GFRA1: variants seen among roughly 807,000 people sequenced by gnomAD.
The protein encoded by GFRA1 is GDNF family receptor alpha-1.
Under a neutral mutation model 51.6 loss-of-function variants are expected in GFRA1, and 16 were observed. That is an observed-to-expected ratio of 0.31 (90% CI 0.21 to 0.47). The LOEUF is 0.47. GFRA1 is among the 20% of genes least tolerant of loss of function. GFRA1 has a pLI of 1.00. For synonymous variants in GFRA1, 270 were observed against 241.3 expected, an observed-to-expected ratio of 1.12 and a Z score of -1.10; for missense variants, 530 against 594.3, an observed-to-expected ratio of 0.89 and a Z score of 1.13.
At chr10:116,254,730 G>A (rs759850173) in intron 4 of GFRA1, among the ~76,000 whole-genome samples, 1 of 152,132 alleles carries the variant, frequency 6.6e-6, no homozygotes, top group Non-Finnish European at 1.5e-5. Flanking sequence ...GGACGTCCAC[G>A]GACATCTTGA....
intron 5 of GFRA1, among the ~76,000 whole-genome samples, chr10:116,196,777 TATATA>T (rs560345203): frequency 0.016 from 2,112 of 129,618 alleles, 122 homozygotes; most frequent in African/African-American, 0.062. Flanking sequence ...TATAATACTG[TATATA>T]ATATAATATA....
intron 9 of GFRA1, among the ~76,000 whole-genome samples, chr10:116,089,143 C>T (rs960486910): frequency 1.3e-5 from 2 of 152,062 alleles, no homozygotes; most frequent in Admixed American, 6.5e-5. Flanking sequence ...TGTTCTTGAC[C>T]GTTCTCACTG....
At chr10:116,144,545 T>G (rs545415335) in intron 5 of GFRA1, among the ~76,000 whole-genome samples, 3 of 152,042 alleles carry the variant, frequency 2.0e-5, no homozygotes, top group Non-Finnish European at 4.4e-5. Flanking sequence ...ATAGATATCA[T>G]AATATAATAT....
rs114378440 is a variant in GFRA1 at position 116,252,381 on chromosome 10, T to A, written c.418+17122A>T. On this transcript the variant is annotated intron_variant, in intron 4 of 10. Transcript: ENST00000355422. ...GAACTTAATGAAGTTACCCTTCAGG[T>A]GGTAGGAACAGGGCACATGGAGGAA... Among the ~76,000 whole-genome samples, 1,264 of 152,174 alleles carry A rather than the reference T, an allele frequency of 8.3e-3. 17 individuals are homozygous for A. Among genetic ancestry groups the A allele is most frequent in the African/African-American group, 0.029 (1,194 of 41,534 alleles).
At chr10:116,125,159 G>GTT in intron 6 of GFRA1, 62 bp downstream of exon 6, 1 of 1,431,178 alleles carries the variant, frequency 7.0e-7, no homozygotes, top group Non-Finnish European at 9.9e-7. Flanking sequence ...CTTGGCAGCC[G>GTT]AAGCAGCCGC....
At position 116,238,931 on chromosome 10, in the gene GFRA1, G is replaced by A. The variant is rs527886632; in HGVS notation, c.419-27286C>T. On this transcript the variant is annotated intron_variant, in intron 4 of 10. Coordinates refer to ENST00000355422, the MANE Select transcript of GFRA1 (RefSeq NM_005264.8). ...CTAAAGTGAGAAAATTTTAAAGCTT[G>A]TATGTTTATTTTTCAGTTCCCTCGA... 5.3e-5 allele frequency among the ~76,000 whole-genome samples: 8 copies of A among 152,280 alleles called. No homozygotes were observed. In the South Asian group the frequency reaches 1.7e-3, roughly 32 times the overall value.
chr10:116,095,231 A>G (rs1191696310), intron 7 of GFRA1, among the ~76,000 whole-genome samples: 2 of 152,206 alleles, frequency 1.3e-5, no homozygotes, highest in African/African-American at 2.4e-5. Flanking sequence ...CTTGGAAAAA[A>G]ACTGCTTTTC....
At chr10:116,156,986 G>A (rs191293426) in intron 5 of GFRA1, among the ~76,000 whole-genome samples, 123 of 152,290 alleles carry the variant, frequency 8.1e-4, no homozygotes, top group Non-Finnish European at 1.6e-4. Context: ...TAACTCCTTT[G>A]CAGAGTCTAG....
chr10:116,223,838 A>G (rs1966095181), intron 4 of GFRA1, among the ~76,000 whole-genome samples: 1 of 152,152 alleles, frequency 6.6e-6, no homozygotes, highest in Admixed American at 6.6e-5. Flanking sequence ...TATAAATGTC[A>G]TTTTCATGAA....
intron 6 of GFRA1, among the ~76,000 whole-genome samples, chr10:116,114,490 AC>A (rs1042267058): frequency 1.3e-5 from 2 of 152,216 alleles, no homozygotes; most frequent in Non-Finnish European, 2.9e-5. Context: ...TTTCCACATG[AC>A]GTTTAGTGCT....
chr10:116,251,076 CTG>C (rs1968309520), intron 4 of GFRA1, among the ~76,000 whole-genome samples: 1 of 152,266 alleles, frequency 6.6e-6, no homozygotes, highest in Admixed American at 6.5e-5. Context: ...CTTCTCCCCT[CTG>C]TTCCCTTCTG....
At chr10:116,139,233 C>T (rs74525162) in intron 5 of GFRA1, among the ~76,000 whole-genome samples, 2,647 of 152,306 alleles carry the variant, frequency 0.017, 34 homozygotes, top group Middle Eastern at 0.058. Context: ...CCTAATAGAA[C>T]GTGGCATTCC....
chr10:116,179,968 C>G (rs1962049656), intron 5 of GFRA1, among the ~76,000 whole-genome samples: 1 of 152,150 alleles, frequency 6.6e-6, no homozygotes, highest in South Asian at 2.1e-4. Context: ...GTGTCACCCA[C>G]CAAGCAAGAC....
chr10:116,206,622 C>CTCTT (rs1305504854), intron 5 of GFRA1, among the ~76,000 whole-genome samples: 1 of 84,494 alleles, frequency 1.2e-5, no homozygotes, highest in African/African-American at 4.3e-5. Flanking sequence ...ACCACATTCT[C>CTCTT]TTTTTTTTTT....
At chr10:116,076,228 G>A (rs1955614035) in intron 9 of GFRA1, among the ~76,000 whole-genome samples, 1 of 152,122 alleles carries the variant, frequency 6.6e-6, no homozygotes, top group South Asian at 2.1e-4. Context: ...AACAGCTGAA[G>A]CCCAGAGCTA....
At chr10:116,205,922 CAT>C (rs1964711347) in intron 5 of GFRA1, among the ~76,000 whole-genome samples, 1 of 95,688 alleles carries the variant, frequency 1.0e-5, no homozygotes, top group African/African-American at 3.8e-5. Context: ...TCATTTTCCT[CAT>C]ATCACACACA....
chr10:116,188,752 T>C (rs977804018), intron 5 of GFRA1, among the ~76,000 whole-genome samples: 3 of 151,652 alleles, frequency 2.0e-5, no homozygotes, highest in African/African-American at 7.3e-5. Context: ...ACAAAAAAAG[T>C]TAGCCGGGCG....
chr10:116,261,832 G>A (rs543159179), intron 4 of GFRA1, among the ~76,000 whole-genome samples: 1 of 152,310 alleles, frequency 6.6e-6, no homozygotes, highest in East Asian at 1.9e-4. Context: ...ATATGTTAAA[G>A]ATCACTCTAG....
intron 5 of GFRA1, among the ~76,000 whole-genome samples, chr10:116,211,253 G>A (rs1001280867): frequency 2.6e-5 from 4 of 152,196 alleles, no homozygotes; most frequent in African/African-American, 9.7e-5. Context: ...AGGAGCAGCA[G>A]CTGAGCCGGA....
Sources: allele counts gnomAD v4.1 joint callset (sites outside exome capture counted in the v4.1 genomes callset), GRCh38; gene constraint gnomAD v4.1.1; transcripts MANE v1.5; gene names NCBI Gene and HGNC (gene_info 2026-07-23, HGNC 2026-07-21).